Variants in CAMKK2 observed in about 807,000 individuals in gnomAD.
CAMKK2 encodes the protein calcium/calmodulin dependent protein kinase kinase 2.
Under a neutral mutation model 67.2 loss-of-function variants are expected in CAMKK2, and 30 were observed. The observed-to-expected ratio is 0.45, with a 90% CI of 0.33 to 0.61. The LOEUF (loss-of-function observed/expected upper bound fraction) is 0.61, where lower values mean the gene tolerates loss of function less well. Among genes scored for constraint, CAMKK2 ranks in the 20% least tolerant of loss-of-function variants. The probability of loss-of-function intolerance (pLI) is 0.02; values close to 1 mark genes in which losing one functional copy is unlikely to be tolerated. For synonymous variants in CAMKK2, 322 were observed against 326.2 expected (o/e 0.99, Z 0.14); for missense variants, 643 against 802.0 (o/e 0.80, Z 2.39).
intron 1 of CAMKK2, among the ~76,000 whole-genome samples, chr12:121,276,906 G>GGT (rs1896935784): frequency 8.5e-6 from 1 of 117,554 alleles, no homozygotes; most frequent in East Asian, 3.1e-4. Context: ...GCGGGGTGGG[G>GGT]GGGGGGTCTC....
At chr12:121,251,021 G>A (rs1013319328) in intron 11 of CAMKK2, among the ~76,000 whole-genome samples, 1 of 152,200 alleles carries the variant, frequency 6.6e-6, no homozygotes, top group Non-Finnish European at 1.5e-5. Context: ...ACCCAGCTGA[G>A]GGCCTGACTC....
chr12:121,290,352 C>T (rs998886538), intron 1 of CAMKK2, among the ~76,000 whole-genome samples: 1 of 152,180 alleles, frequency 6.6e-6, no homozygotes, highest in Non-Finnish European at 1.5e-5. Flanking sequence ...GGAAAAAAGT[C>T]TCACAAAATA....
chr12:121,253,340 G>A lies in CAMKK2; in HGVS notation c.1040C>T (p.Thr347Ile). The A allele has an allele frequency of 1.2e-6, 2 of 1,614,118 alleles. No homozygotes were observed. The highest frequency in any genetic ancestry group is 2.2e-5 in the East Asian group (1 of 44,900). ...FKGSDALLSN[T>I]VGTPAFMAPE... is the part of the protein sequence containing the mutation. ...TGCCATGAAGGCGGGCGTGCCCACGGTGTTGGAGAGGAGCGCGTCACTGCC... is the reference window on the plus strand; with the variant it reads ...TGCCATGAAGGCGGGCGTGCCCACGATGTTGGAGAGGAGCGCGTCACTGCC... The change falls in exon 10 of 17, where the codon ACC becomes ATC. Residue 347 changes from threonine to isoleucine, a missense_variant. This residue lies in a region of CAMKK2 where 483 missense variants were observed against 625.8 expected (regional missense o/e 0.77). Transcript: ENST00000404169. This position sits in a 1 kb window ranked among gnomAD's most constrained non-coding sequence, Gnocchi z 5.0.
intron 5 of CAMKK2, among the ~76,000 whole-genome samples, chr12:121,265,468 T>C (rs562195598): frequency 1.3e-5 from 2 of 152,220 alleles, no homozygotes; most frequent in South Asian, 4.1e-4. Context: ...CCAAAATTCA[T>C]ATGTCAAAAC....
intron 14 of CAMKK2, among the ~76,000 whole-genome samples, chr12:121,248,330 G>A (rs1328105385): frequency 6.6e-6 from 1 of 152,198 alleles, no homozygotes; most frequent in Non-Finnish European, 1.5e-5. Context: ...CCCCTGCCTG[G>A]AACTTCTCCT....
chr12:121,259,159 T>A (rs1394523243), intron 7 of CAMKK2, among the ~76,000 whole-genome samples: 1 of 152,140 alleles, frequency 6.6e-6, no homozygotes, highest in East Asian at 1.9e-4. Context: ...TTTACAATGT[T>A]GTAAAATACC....
rs1173256611 is a variant in CAMKK2, at chr12:121,285,112, C to T, written c.-59-10527G>A. On this transcript the variant is annotated intron_variant, in intron 1 of 16. Coordinates refer to ENST00000404169, the MANE Select transcript of CAMKK2 (RefSeq NM_001270485.2). The surrounding 1 kb of genome is among the most constrained non-coding windows in gnomAD (Gnocchi z 4.1). ...GCCATCCCTCCATATGAGAGGTGGC[C>T]CTACAGGGCTGACCCCACCATCAGC... Among the ~76,000 whole-genome samples, 1 of 152,164 alleles carries T rather than the reference C, an allele frequency of 6.6e-6. No homozygotes were observed. The highest frequency in any genetic ancestry group is 2.4e-5 in the African/African-American group (1 of 41,434).
At chr12:121,268,929 C>T (rs1718121) in intron 4 of CAMKK2, among the ~76,000 whole-genome samples, 1 of 152,034 alleles carries the variant, frequency 6.6e-6, no homozygotes, top group Admixed American at 6.6e-5. Flanking sequence ...CTGAGGCTCA[C>T]GGTCGCCTCT....
chr12:121,286,528 T>TATTTG (rs1566137666), intron 1 of CAMKK2, among the ~76,000 whole-genome samples: 2 of 152,134 alleles, frequency 1.3e-5, no homozygotes, highest in African/African-American at 2.4e-5. Flanking sequence ...GATACTGTTT[T>TATTTG]GTTTGGTTTG....
At chr12:121,296,896 C>T (rs1901395401), upstream of CAMKK2, 1 of 151,520 alleles carries the variant, frequency 6.6e-6, no homozygotes, top group Non-Finnish European at 1.5e-5. This position sits in a 1 kb window ranked among gnomAD's most constrained non-coding sequence, Gnocchi z 7.1. Flanking sequence ...GCGCCCCCGC[C>T]GGCTCGGCCC....
rs1336281057 is a variant in CAMKK2, at chr12:121,253,167, C to G, written c.1107+106G>C. 5 of 954,082 alleles carry G rather than the reference C, an allele frequency of 5.2e-6. No individual in the cohort carries two copies. In the Admixed American group the frequency reaches 1.0e-4, roughly 19 times the overall value. The allele number at this position is 954,082 out of a possible 1,614,324, so 59.1% of individuals were successfully genotyped here. A position where few individuals can be genotyped will look rare whatever the true frequency, so the allele number is the denominator to read the frequency against. On this transcript the variant is annotated intron_variant, in intron 10 of 16. Coordinates refer to ENST00000404169, the MANE Select transcript of CAMKK2 (RefSeq NM_001270485.2). This position sits in a 1 kb window ranked among gnomAD's most constrained non-coding sequence, Gnocchi z 5.0. Reference sequence around the variant, plus strand: ...AAGCCTACCCCTCAGTATCTTGATCCAGGGGATTCACTGTTTAAGCCTGTG... The same window carrying G: ...AAGCCTACCCCTCAGTATCTTGATCGAGGGGATTCACTGTTTAAGCCTGTG...
At chr12:121,278,793 G>A (rs1441065111) in intron 1 of CAMKK2, among the ~76,000 whole-genome samples, 4 of 152,212 alleles carry the variant, frequency 2.6e-5, no homozygotes, top group Non-Finnish European at 4.4e-5. Flanking sequence ...TATCAGCAGC[G>A]TGAAAACGGA....
Position 121,245,750 on chromosome 12 carries a change from T to C in CAMKK2, c.1453-510A>G, listed in dbSNP as rs1889322503. On this transcript the variant is annotated intron_variant, in intron 14 of 16. Coordinates refer to ENST00000404169, the MANE Select transcript of CAMKK2 (RefSeq NM_001270485.2). The surrounding 1 kb of genome is among the most constrained non-coding windows in gnomAD (Gnocchi z 5.8). ...ACCCCAACCAGGGCACGGTGCCCCT[T>C]CAAGCTGTTTTGGGAATTCACAGAG... Among the ~76,000 whole-genome samples the C allele has an allele frequency of 6.6e-6, 1 of 152,244 alleles. No individual in the cohort carries two copies. The highest frequency in any genetic ancestry group is 1.5e-5 in the Non-Finnish European group (1 of 68,036).
Position 121,292,968 on chromosome 12 carries a change from CAAAAGAAAAAAA to C in CAMKK2, c.-60+3658_-60+3669del, listed in dbSNP as rs369004024. Among the ~76,000 whole-genome samples, 514 of 141,410 alleles carry C rather than the reference CAAAAGAAAAAAA, an allele frequency of 3.6e-3. 3 individuals are homozygous for C. The East Asian group carries it at 0.048, about 13-fold the overall frequency. 92.8% of individuals were successfully genotyped at this position (141,410 alleles called of 152,430 possible). A position where few individuals can be genotyped will look rare whatever the true frequency, so the allele number is the denominator to read the frequency against. ...TGAGCAACAAAGTGGGATCCCATCT[CAAAAGAAAAAAA>C]AAAAGAAAAAAAAAGCTGGGCGCCG... On this transcript the variant is annotated intron_variant, in intron 1 of 16. Transcript: ENST00000404169.
intron 4 of CAMKK2, 73 bp from the exon 5 acceptor site, chr12:121,268,762 G>A (rs963173724): frequency 2.3e-5 from 33 of 1,450,492 alleles, no homozygotes; most frequent in Middle Eastern, 1.9e-4. Context: ...GAAGGAGGGC[G>A]CAGTCGGGGT....
chr12:121,241,556 G>A (rs893798317), intron 16 of CAMKK2, among the ~76,000 whole-genome samples: 2 of 152,224 alleles, frequency 1.3e-5, no homozygotes, highest in Non-Finnish European at 1.5e-5. Context: ...TGACAGGTGC[G>A]AGGGGAATCC....
rs1413114480 is a variant in CAMKK2, at chr12:121,253,224, A to T, written c.1107+49T>A. ...GGGTTTCTGCTGCTTACAATCCAGA[A>T]GACACTAACACAGGCAGAACTCTGT... On this transcript the variant is annotated intron_variant, in intron 10 of 16. Transcript: ENST00000404169. This position sits in a 1 kb window ranked among gnomAD's most constrained non-coding sequence, Gnocchi z 5.0. The T allele has an allele frequency of 3.3e-6, 5 of 1,529,184 alleles. No homozygotes were observed. In the African/African-American group the frequency reaches 6.8e-5, roughly 21 times the overall value. 94.7% of individuals were successfully genotyped at this position (1,529,184 alleles called of 1,614,324 possible). A position where few individuals can be genotyped will look rare whatever the true frequency, so the allele number is the denominator to read the frequency against.
intron 10 of CAMKK2, among the ~76,000 whole-genome samples, 188 bp from the exon 11 acceptor site, chr12:121,252,902 C>T (rs1055351465): frequency 2.0e-5 from 3 of 152,130 alleles, no homozygotes; most frequent in Non-Finnish European, 4.4e-5. Context: ...TACCCCCAGC[C>T]ACAGTGATTG....
At chr12:121,288,506 A>G (rs566700378) in intron 1 of CAMKK2, among the ~76,000 whole-genome samples, 24 of 152,348 alleles carry the variant, frequency 1.6e-4, no homozygotes, top group Non-Finnish European at 3.4e-4. Flanking sequence ...CTCTGCCAGA[A>G]GCCTTGAAGG....
Sources: allele counts gnomAD v4.1 joint callset (sites outside exome capture counted in the v4.1 genomes callset), GRCh38; gene constraint gnomAD v4.1.1; regional missense constraint gnomAD v4.1.1; non-coding constraint Gnocchi (gnomAD v3.1); transcripts MANE v1.5; gene names NCBI Gene and HGNC (gene_info 2026-07-23, HGNC 2026-07-21).